Variants in GPC5 observed in about 807,000 individuals in gnomAD.
The protein encoded by GPC5 is glypican 5.
In GPC5, 47 loss-of-function variants were observed where a neutral mutation model predicts 53.9. That is an observed-to-expected ratio of 0.87 (90% CI 0.69 to 1.11). GPC5 has a LOEUF of 1.11. Among genes scored for constraint, GPC5 ranks in the 50% most tolerant of loss-of-function variants. GPC5 has a pLI of 0.00. For missense variants in GPC5, 748 were observed against 713.1 expected (o/e 1.05, Z -0.56); for synonymous variants, 286 against 263.3 (o/e 1.09, Z -0.84).
chr13:92,371,609 G>T (rs1178236824), intron 7 of GPC5, among the ~76,000 whole-genome samples: 1 of 152,178 alleles, frequency 6.6e-6, no homozygotes, highest in African/African-American at 2.4e-5. Context: ...CATGGTGGAA[G>T]GTGAGAGAGA....
At chr13:92,046,561 C>T (rs1363693848) in intron 6 of GPC5, among the ~76,000 whole-genome samples, 1 of 152,178 alleles carries the variant, frequency 6.6e-6, no homozygotes, top group Non-Finnish European at 1.5e-5. Context: ...CAAGCGAATA[C>T]CGATTTCCAG....
rs138172822 is a variant in GPC5 at position 92,192,306 on chromosome 13, G to A, written c.1561+47317G>A. Reference sequence around the variant, plus strand: ...ATATACCACTCTCGCAGGGGAAACTGATAAATGGGGAAGGTGTGCGAGTGG... The same window carrying A: ...ATATACCACTCTCGCAGGGGAAACTAATAAATGGGGAAGGTGTGCGAGTGG... On this transcript the variant is annotated intron_variant, in intron 7 of 7. Coordinates refer to ENST00000377067, the MANE Select transcript of GPC5 (RefSeq NM_004466.6). Among the ~76,000 whole-genome samples, 276 of 152,306 alleles carry A rather than the reference G, an allele frequency of 1.8e-3. 2 individuals carry two copies. Among genetic ancestry groups the A allele is most frequent in the Non-Finnish European group, 2.8e-3 (188 of 68,012 alleles).
At chr13:92,279,000 A>G (rs1375615876) in intron 7 of GPC5, among the ~76,000 whole-genome samples, 1 of 151,990 alleles carries the variant, frequency 6.6e-6, no homozygotes, top group African/African-American at 2.4e-5. Context: ...TGTCTTAACT[A>G]TTAAGGGCCC....
intron 1 of GPC5, among the ~76,000 whole-genome samples, chr13:91,415,585 C>T (rs983972628): frequency 6.6e-6 from 1 of 152,116 alleles, no homozygotes; most frequent in Non-Finnish European, 1.5e-5. Flanking sequence ...ATATAATTTC[C>T]TTCCTTCTCT....
Position 92,483,380 on chromosome 13 carries a change from T to C in GPC5, c.1561+338391T>C, listed in dbSNP as rs140561967. On this transcript the variant is annotated intron_variant, in intron 7 of 7. Coordinates refer to ENST00000377067, the MANE Select transcript of GPC5 (RefSeq NM_004466.6). The stretch of plus-strand genomic sequence containing the variant: ...TTACTGTACTGAATAGTGTAGGCAA[T>C]TGTAACACAATGGTAAGTATTTGTG... 4.1e-3 allele frequency among the ~76,000 whole-genome samples: 626 copies of C among 152,284 alleles called. 7 individuals are homozygous for C. Among genetic ancestry groups the C allele is most frequent in the African/African-American group, 0.014 (581 of 41,564 alleles).
At chr13:91,712,388 A>ATG (rs201758453) in intron 3 of GPC5, among the ~76,000 whole-genome samples, 53 of 150,634 alleles carry the variant, frequency 3.5e-4, no homozygotes, top group African/African-American at 7.1e-4. Flanking sequence ...GTGTATATAT[A>ATG]TGTGTGTGTG....
At chr13:92,409,817 TTA>T (rs1407050930) in intron 7 of GPC5, among the ~76,000 whole-genome samples, 14 of 152,198 alleles carry the variant, frequency 9.2e-5, no homozygotes, top group Non-Finnish European at 1.8e-4. Flanking sequence ...TTTGAATAAA[TTA>T]TGATACATTT....
intron 7 of GPC5, among the ~76,000 whole-genome samples, chr13:92,635,200 T>C (rs997194474): frequency 6.6e-6 from 1 of 152,170 alleles, no homozygotes; most frequent in Non-Finnish European, 1.5e-5. Flanking sequence ...TATCTTTAAA[T>C]GAGGTAGGAT....
At chr13:91,457,057 A>G (rs1881610260) in intron 2 of GPC5, among the ~76,000 whole-genome samples, 2 of 152,108 alleles carry the variant, frequency 1.3e-5, no homozygotes, top group African/African-American at 4.8e-5. Flanking sequence ...ATTTGATCAC[A>G]AATTATTACT....
At chr13:91,652,645 C>T (rs1004773770) in intron 2 of GPC5, among the ~76,000 whole-genome samples, 1 of 152,130 alleles carries the variant, frequency 6.6e-6, no homozygotes, top group African/African-American at 2.4e-5. Flanking sequence ...TCACACTACT[C>T]AGAATGCCAA....
intron 2 of GPC5, among the ~76,000 whole-genome samples, chr13:91,625,186 T>A (rs1450392581): frequency 2.0e-5 from 3 of 151,130 alleles, no homozygotes; most frequent in Admixed American, 6.6e-5. Flanking sequence ...CCAAAGAGAT[T>A]GATGACATAA....
intron 2 of GPC5, among the ~76,000 whole-genome samples, chr13:91,455,995 A>G (rs1399609255): frequency 3.3e-5 from 5 of 152,112 alleles, no homozygotes; most frequent in African/African-American, 1.2e-4. Context: ...TCAGCCCTCC[A>G]ACATCAATCC....
chr13:92,624,192 C>T (rs1884972725), intron 7 of GPC5, among the ~76,000 whole-genome samples: 1 of 151,932 alleles, frequency 6.6e-6, no homozygotes, highest in African/African-American at 2.4e-5. Context: ...GCCTTGGCCC[C>T]CCTAGTAGCT....
At chr13:91,629,366 G>T (rs528280464) in intron 2 of GPC5, among the ~76,000 whole-genome samples, 72 of 152,030 alleles carry the variant, frequency 4.7e-4, no homozygotes, top group Non-Finnish European at 2.6e-4. Context: ...TTTCAGGCTG[G>T]GCATGATGGC....
intron 7 of GPC5, among the ~76,000 whole-genome samples, chr13:92,361,862 G>A (rs2043570206): frequency 6.6e-6 from 1 of 151,618 alleles, no homozygotes; most frequent in South Asian, 2.1e-4. Flanking sequence ...TCTGCTTGGT[G>A]TTTCTTTACC....
intron 7 of GPC5, among the ~76,000 whole-genome samples, chr13:92,797,850 TA>T (rs1357010395): frequency 6.7e-6 from 1 of 150,318 alleles, no homozygotes; most frequent in African/African-American, 2.5e-5. Flanking sequence ...GATAGATAGA[TA>T]GATAGATAGA....
At chr13:92,561,838 C>T (rs1261041685) in intron 7 of GPC5, among the ~76,000 whole-genome samples, 23 of 152,116 alleles carry the variant, frequency 1.5e-4, no homozygotes, top group East Asian at 3.9e-4. Context: ...TGCTGCTGAG[C>T]GTGAGCCTCA....
At chr13:92,271,785 G>A (rs1267769927) in intron 7 of GPC5, among the ~76,000 whole-genome samples, 2 of 152,074 alleles carry the variant, frequency 1.3e-5, no homozygotes, top group Non-Finnish European at 2.9e-5. Flanking sequence ...TATGTGACTA[G>A]GTAAGTAGGA....
At chr13:91,805,922 C>T (rs2038211909) in intron 5 of GPC5, among the ~76,000 whole-genome samples, 1 of 151,088 alleles carries the variant, frequency 6.6e-6, no homozygotes, top group South Asian at 2.1e-4. Context: ...TGTTTTTTAG[C>T]AGTGGACTAA....
Sources: gnomAD v4.1 joint callset for allele counts (sites outside exome capture counted in the v4.1 genomes callset) on GRCh38, gnomAD v4.1.1 for gene constraint, MANE v1.5 for transcripts, NCBI Gene and HGNC (gene_info 2026-07-23, HGNC 2026-07-21) for gene names.